CSMD1: variants seen among roughly 807,000 people sequenced by gnomAD.
The protein encoded by CSMD1 is CUB and Sushi multiple domains 1, also known as CUB and sushi domain-containing protein 1.
Under a neutral mutation model 417.5 loss-of-function variants are expected in CSMD1, and 213 were observed. That is an observed-to-expected ratio of 0.51 (90% CI 0.46 to 0.57). CSMD1 has a LOEUF of 0.57. Ranked by LOEUF, CSMD1 falls within the 20% of genes least tolerant of loss-of-function variation. CSMD1 has a pLI of 0.00. For synonymous variants in CSMD1, 2,862 were observed against 1,736.8 expected (o/e 1.65, Z -16.11); for missense variants, 6,923 against 4,529.7 (o/e 1.53, Z -15.17).
chr8:4,094,848 G>C (rs1335578939), intron 3 of CSMD1, among the ~76,000 whole-genome samples: 1 of 152,220 alleles, frequency 6.6e-6, no homozygotes, highest in Non-Finnish European at 1.5e-5. Flanking sequence ...GTGAAGCATA[G>C]TTGGTGATGT....
intron 5 of CSMD1, among the ~76,000 whole-genome samples, chr8:3,843,078 G>A (rs1347221505): frequency 6.6e-6 from 1 of 152,058 alleles, no homozygotes; most frequent in Non-Finnish European, 1.5e-5. Context: ...TTCTATTTCA[G>A]TATCGTTTTC....
chr8:3,780,561 A>AT (rs1386369178), intron 5 of CSMD1, among the ~76,000 whole-genome samples: 1 of 152,130 alleles, frequency 6.6e-6, no homozygotes, highest in Non-Finnish European at 1.5e-5. Context: ...ACAAACTACT[A>AT]TTTTCAAATT....
intron 3 of CSMD1, among the ~76,000 whole-genome samples, chr8:4,342,280 T>G (rs1175404433): frequency 6.6e-6 from 1 of 151,862 alleles, no homozygotes; most frequent in Non-Finnish European, 1.5e-5. Flanking sequence ...GAGGGATATT[T>G]AAACCACAAG....
chr8:4,224,861 G>A (rs542554955), intron 3 of CSMD1, among the ~76,000 whole-genome samples: 4 of 152,306 alleles, frequency 2.6e-5, no homozygotes, highest in Admixed American at 6.5e-5. Flanking sequence ...TGTCATCCCA[G>A]CACTTTGGGA....
chr8:4,938,121 T>G (rs976321307), intron 1 of CSMD1, among the ~76,000 whole-genome samples: 1 of 152,160 alleles, frequency 6.6e-6, no homozygotes, highest in African/African-American at 2.4e-5. Context: ...AGTTAATAAT[T>G]AAAAATACCC....
chr8:3,359,139 T>A lies in CSMD1; in HGVS notation c.3304+13A>T. On this transcript the variant is annotated intron_variant, in intron 21 of 69. Transcript: ENST00000635120. ...CCCATGGATGAATGAAATGAAAGCG[T>A]GTGACCACCTACCCACACACCTTGG... is the stretch of plus-strand genomic sequence containing the variant. 1.2e-6 allele frequency: 2 copies of A among 1,613,498 alleles called. No individual in the cohort carries two copies. Among genetic ancestry groups the A allele is most frequent in the Non-Finnish European group, 1.7e-6 (2 of 1,179,628 alleles).
intron 1 of CSMD1, among the ~76,000 whole-genome samples, chr8:4,761,594 C>G (rs542535485): frequency 3.0e-4 from 45 of 152,150 alleles, no homozygotes; most frequent in Admixed American, 7.2e-4. Context: ...ATGGTTACCT[C>G]TTATTATAAA....
chr8:3,890,294 G>GA (rs1806874947), intron 5 of CSMD1, among the ~76,000 whole-genome samples: 3 of 152,092 alleles, frequency 2.0e-5, no homozygotes, highest in South Asian at 4.1e-4. Context: ...TGATTTACTT[G>GA]AAAAATATTA....
intron 3 of CSMD1, among the ~76,000 whole-genome samples, chr8:4,409,862 G>A (rs1219682492): frequency 1.3e-5 from 2 of 152,194 alleles, no homozygotes; most frequent in African/African-American, 4.8e-5. Flanking sequence ...TGCCCAGGCT[G>A]GAGTGTAATG....
At chr8:3,394,712 C>A (rs1443453054) in intron 17 of CSMD1, among the ~76,000 whole-genome samples, 2 of 152,090 alleles carry the variant, frequency 1.3e-5, no homozygotes, top group Non-Finnish European at 2.9e-5. Flanking sequence ...AATGTTTACA[C>A]ATATTGTTAC....
At chr8:3,468,012 G>C (rs889245684) in intron 12 of CSMD1, among the ~76,000 whole-genome samples, 1 of 152,074 alleles carries the variant, frequency 6.6e-6, no homozygotes, top group African/African-American at 2.4e-5. Context: ...AATACTTTAA[G>C]GAACTCAGTT....
At chr8:3,533,797 G>A (rs1798077036) in intron 10 of CSMD1, among the ~76,000 whole-genome samples, 1 of 152,066 alleles carries the variant, frequency 6.6e-6, no homozygotes, top group Non-Finnish European at 1.5e-5. Flanking sequence ...CACAAAACCT[G>A]GAAAACATGA....
intron 41 of CSMD1, among the ~76,000 whole-genome samples, chr8:3,141,402 G>C (rs953993899): frequency 1.4e-4 from 22 of 152,206 alleles, no homozygotes; most frequent in Non-Finnish European, 4.4e-5. Context: ...TTCCTGGTTT[G>C]ACTCTGAAAC....
intron 5 of CSMD1, among the ~76,000 whole-genome samples, chr8:3,761,123 T>G (rs1797972968): frequency 6.6e-6 from 1 of 152,202 alleles, no homozygotes; most frequent in Non-Finnish European, 1.5e-5. Flanking sequence ...AGTGAAATCA[T>G]TTCTCTCATG....
intron 41 of CSMD1, among the ~76,000 whole-genome samples, chr8:3,131,892 T>C (rs1035700064): frequency 2.6e-5 from 4 of 152,222 alleles, no homozygotes; most frequent in East Asian, 1.9e-4. Context: ...ATCTGAGTAA[T>C]AGATTCCTTG....
intron 26 of CSMD1, among the ~76,000 whole-genome samples, chr8:3,252,633 A>G (rs1225397157): frequency 1.3e-5 from 2 of 152,186 alleles, no homozygotes; most frequent in Non-Finnish European, 2.9e-5. Context: ...TTCAGAAGGA[A>G]TGGTAGCAGT....
chr8:3,918,696 A>T (rs1056264229), intron 5 of CSMD1, among the ~76,000 whole-genome samples: 1 of 152,168 alleles, frequency 6.6e-6, no homozygotes, highest in African/African-American at 2.4e-5. Flanking sequence ...CTACTGAGCC[A>T]TAAAAAGGAA....
At chr8:4,868,954 A>G (rs1477347616) in intron 1 of CSMD1, among the ~76,000 whole-genome samples, 1 of 152,040 alleles carries the variant, frequency 6.6e-6, no homozygotes, top group Non-Finnish European at 1.5e-5. Context: ...GATTATACCT[A>G]TATACACACA....
intron 5 of CSMD1, among the ~76,000 whole-genome samples, chr8:3,853,520 C>T (rs561572082): frequency 6.6e-6 from 1 of 152,166 alleles, no homozygotes; most frequent in East Asian, 1.9e-4. Context: ...ATATGACTGC[C>T]TTGTTACTAG....
Sources: allele counts gnomAD v4.1 joint callset (sites outside exome capture counted in the v4.1 genomes callset), GRCh38; gene constraint gnomAD v4.1.1; transcripts MANE v1.5; gene names NCBI Gene and HGNC (gene_info 2026-07-23, HGNC 2026-07-21).